C5orf24: variants seen among roughly 807,000 people sequenced by gnomAD.
C5orf24 encodes chromosome 5 open reading frame 24.
C5orf24 carries 4 observed loss-of-function variants against 9.8 expected under a neutral mutation model. That is an observed-to-expected ratio of 0.41 (90% CI 0.20 to 0.93). The LOEUF (loss-of-function observed/expected upper bound fraction) is 0.93, where lower values mean the gene tolerates loss of function less well. Among genes scored for constraint, C5orf24 ranks in the 40% least tolerant of loss-of-function variants. The pLI is 0.33. For missense variants in C5orf24, 170 were observed against 236.9 expected, an observed-to-expected ratio of 0.72 and a Z score of 1.85; for synonymous variants, 73 against 81.3, an observed-to-expected ratio of 0.90 and a Z score of 0.55.
At chr5:134,833,690 T>G in the C5orf24 span, 1 of 152,136 alleles carries the variant, frequency 6.6e-6, no homozygotes, top group Admixed American at 6.6e-5. Context: ...ATATATAAAT[T>G]TATTATTTTT....
At chr5:134,848,109 G>A (rs1287828774) in intron 1 of C5orf24, among the ~76,000 whole-genome samples, 1 of 149,738 alleles carries the variant, frequency 6.7e-6, no homozygotes, top group Non-Finnish European at 1.5e-5. Flanking sequence ...TCAGGAGATC[G>A]AGACCATCCT....
At chr5:134,848,035 G>A (rs1361568352) in intron 1 of C5orf24, among the ~76,000 whole-genome samples, 2 of 151,844 alleles carry the variant, frequency 1.3e-5, no homozygotes, top group African/African-American at 2.4e-5. Context: ...GCTTGGGACC[G>A]GTCGCGGTGG....
Position 134,846,151 on chromosome 5 carries a change from G to A in C5orf24, c.-65G>A, listed in dbSNP as rs1322406446. The A allele has an allele frequency of 1.3e-5, 2 of 152,084 alleles. No individual in the cohort carries two copies. Among genetic ancestry groups the A allele is most frequent in the African/African-American group, 4.8e-5 (2 of 41,354 alleles). The allele number at this position is 152,084 out of a possible 1,614,324, so 9.4% of individuals were successfully genotyped here. A position where few individuals can be genotyped will look rare whatever the true frequency, so the allele number is the denominator to read the frequency against. On this transcript the variant is annotated 5_prime_UTR_variant, in exon 1 of 2. Transcript: ENST00000394976. ...GCTGGGGAGGGAGCGGCGCCAGCAC[G>A]AGGTTCCCAGCCGCTGGGAAGCCCC...
In C5orf24 at chr5:134,855,956, A is replaced by G. The variant is rs1199652803; in HGVS notation, c.*489A>G. The G allele has an allele frequency of 2.1e-5, 21 of 1,003,830 alleles. No individual in the cohort carries two copies. The highest frequency in any genetic ancestry group is 2.4e-5 in the Non-Finnish European group (20 of 832,806). 62.2% of individuals were successfully genotyped at this position (1,003,830 alleles called of 1,614,324 possible). On this transcript the variant is annotated 3_prime_UTR_variant, in exon 2 of 2. Transcript: ENST00000394976. ...CATTTATTTTCACAAGATGGGACAC[A>G]TATTTGTATGCTTTGGCATTTACAT...
intron 1 of C5orf24, among the ~76,000 whole-genome samples, chr5:134,852,774 C>T (rs1210799408): frequency 3.3e-5 from 5 of 152,230 alleles, no homozygotes; most frequent in East Asian, 1.9e-4. Context: ...CGGTGGCTCA[C>T]GCCTATAATC....
intron 1 of C5orf24, among the ~76,000 whole-genome samples, chr5:134,847,170 AAAAC>A (rs1447770325): frequency 6.6e-5 from 10 of 152,268 alleles, no homozygotes; most frequent in Admixed American, 2.6e-4. Flanking sequence ...TAAACACAAT[AAAAC>A]AACTTCAAGG....
chr5:134,835,704 A>G, the C5orf24 span, among the ~76,000 whole-genome samples: 1 of 151,904 alleles, frequency 6.6e-6, no homozygotes, highest in Non-Finnish European at 1.5e-5. Context: ...TCTTTATTTT[A>G]CTTTCAGAGA....
chr5:134,848,288 G>A (rs1312342590), intron 1 of C5orf24, among the ~76,000 whole-genome samples: 1 of 151,986 alleles, frequency 6.6e-6, no homozygotes, highest in Non-Finnish European at 1.5e-5. Context: ...TCCAGCCTGG[G>A]CGACAGAGCA....
At chr5:134,849,488 T>C (rs780197072) in intron 1 of C5orf24, among the ~76,000 whole-genome samples, 32 of 152,138 alleles carry the variant, frequency 2.1e-4, no homozygotes, top group Admixed American at 4.6e-4. Flanking sequence ...GTTTGCGTTT[T>C]TAAAGTTAAT....
upstream of C5orf24, among the ~76,000 whole-genome samples, chr5:134,844,463 G>T (rs568330091): frequency 2.4e-4 from 37 of 152,086 alleles, no homozygotes; most frequent in Non-Finnish European, 4.7e-4. Flanking sequence ...TTCTGTCTCA[G>T]CCTCCGTAGC....
rs1756303745 is a variant in C5orf24 at position 134,856,132 on chromosome 5, T to C, written c.*665T>C. ...GAGCAGTGATAGGTTGTGTATTTTT[T>C]AATTGCCTAAGAGCATATATACCAA... On this transcript the variant is annotated 3_prime_UTR_variant, in exon 2 of 2. Transcript: ENST00000394976. The C allele has an allele frequency of 1.0e-6, 1 of 1,000,000 alleles. No individual in the cohort carries two copies. The allele number at this position is 1,000,000 out of a possible 1,614,324, so 61.9% of individuals were successfully genotyped here.
rs34043118 is a variant in C5orf24, at chr5:134,850,994, ATATTTATT to A, written c.-3-3870_-3-3863del. 7.5e-3 allele frequency among the ~76,000 whole-genome samples: 1,107 copies of A among 147,586 alleles called. 11 individuals carry two copies. The highest frequency in any genetic ancestry group is 0.023 in the African/African-American group (906 of 39,550). ...ATATTTTATACATACAGAAATACAT[ATATTTATT>A]TATTTATTTATTTATTTATTTATTT... is the stretch of plus-strand genomic sequence containing the variant. On this transcript the variant is annotated intron_variant, in intron 1 of 1. Coordinates refer to ENST00000394976, the MANE Select transcript of C5orf24 (RefSeq NM_001135586.1).
In C5orf24 at chr5:134,856,713, G is replaced by T; in HGVS notation, c.*1246G>T. 3.0e-6 allele frequency: 3 copies of T among 993,316 alleles called. No homozygotes were observed. The highest frequency in any genetic ancestry group is 3.6e-6 in the Non-Finnish European group (3 of 823,858). 61.5% of individuals were successfully genotyped at this position (993,316 alleles called of 1,614,324 possible). A position where few individuals can be genotyped will look rare whatever the true frequency, so the allele number is the denominator to read the frequency against. Reference sequence around the variant, plus strand: ...TTTATTGATGTTGCTCATTTATTTGGAACGTTTTTAGTTTTTCTCAGAAAT... The same window carrying T: ...TTTATTGATGTTGCTCATTTATTTGTAACGTTTTTAGTTTTTCTCAGAAAT... On this transcript the variant is annotated 3_prime_UTR_variant, in exon 2 of 2. Transcript: ENST00000394976.
the C5orf24 span, among the ~76,000 whole-genome samples, chr5:134,835,637 TC>T: frequency 6.6e-6 from 1 of 152,054 alleles, no homozygotes. Context: ...ACAGAGTAAC[TC>T]CATCTCAAAA....
chr5:134,841,463 T>C (rs1755892735), upstream of C5orf24, among the ~76,000 whole-genome samples: 1 of 152,084 alleles, frequency 6.6e-6, no homozygotes, highest in Non-Finnish European at 1.5e-5. Context: ...GGCTCGTGCC[T>C]GTAGTCCTAG....
At chr5:134,853,528 CT>C (rs773207000) in intron 1 of C5orf24, among the ~76,000 whole-genome samples, 1,271 of 104,260 alleles carry the variant, frequency 0.012, 9 homozygotes, top group African/African-American at 0.035. Flanking sequence ...TCTTCTTCTT[CT>C]TTTTTTTTTT....
the C5orf24 span, among the ~76,000 whole-genome samples, chr5:134,835,981 C>A: frequency 1.3e-5 from 2 of 152,026 alleles, no homozygotes; most frequent in Admixed American, 6.6e-5. Flanking sequence ...GCCACCGCAC[C>A]TGGATTTTTT....
At chr5:134,844,511 A>G (rs1380013901), upstream of C5orf24, among the ~76,000 whole-genome samples, 1 of 151,942 alleles carries the variant, frequency 6.6e-6, no homozygotes, top group Non-Finnish European at 1.5e-5. Context: ...CACCCAGCTA[A>G]TTGTTTTATT....
Position 134,853,019 on chromosome 5 carries a change from G to A in C5orf24, c.-3-1879G>A, listed in dbSNP as rs905311191. On this transcript the variant is annotated intron_variant, in intron 1 of 1. Transcript: ENST00000394976. ...TCTCTACTAAAAATACAAAATATTC[G>A]CCGGGCGTGGTGGCGGGTGCCTGTA... Among the ~76,000 whole-genome samples the A allele has an allele frequency of 7.9e-4, 120 of 152,160 alleles. 1 individual carries two copies. The highest frequency in any genetic ancestry group is 2.7e-3 in the African/African-American group (111 of 41,514).
Sources: allele counts gnomAD v4.1 joint callset (sites outside exome capture counted in the v4.1 genomes callset), GRCh38; gene constraint gnomAD v4.1.1; transcripts MANE v1.5; gene names NCBI Gene and HGNC (gene_info 2026-07-23, HGNC 2026-07-21).